Variants in PCDHGA3 observed in about 807,000 individuals in gnomAD.
PCDHGA3 encodes protocadherin gamma-A3.
A neutral mutation model predicts 58.5 loss-of-function variants in PCDHGA3; 40 were observed. The ratio of observed to expected loss-of-function variants is 0.68; its 90% CI spans 0.53 to 0.89. The LOEUF (loss-of-function observed/expected upper bound fraction) is 0.89. PCDHGA3 is among the 40% of genes least tolerant of loss of function. PCDHGA3 has a pLI of 0.00. For synonymous variants in PCDHGA3, 530 were observed against 525.7 expected (o/e 1.01, Z -0.11); for missense variants, 1,223 against 1,195.9 (o/e 1.02, Z -0.33).
rs762996346 is a variant in PCDHGA3, at chr5:141,365,922, G to A, written c.2424+19465G>A. The A allele has an allele frequency of 1.9e-6, 3 of 1,614,196 alleles. No homozygotes were observed. In the Admixed American group the frequency reaches 5.0e-5, roughly 27 times the overall value. The stretch of plus-strand genomic sequence containing the variant: ...GAGCAGTTGAGAGACCTACAGTTGT[G>A]GGTGACAGCCAGCGACAGTGGGAAC... On this transcript the variant is annotated intron_variant, in intron 1 of 3. Coordinates refer to ENST00000253812, the MANE Select transcript of PCDHGA3 (RefSeq NM_018916.4).
intron 2 of PCDHGA3, among the ~76,000 whole-genome samples, chr5:141,498,397 G>A (rs1019408022): frequency 1.3e-5 from 2 of 152,136 alleles, no homozygotes; most frequent in African/African-American, 4.8e-5. Flanking sequence ...GAATGGCAGG[G>A]AGTTTTCTCT....
At chr5:141,448,850 C>A (rs1227646790) in intron 1 of PCDHGA3, among the ~76,000 whole-genome samples, 1 of 152,048 alleles carries the variant, frequency 6.6e-6, no homozygotes, top group Non-Finnish European at 1.5e-5. Context: ...GAGGCTGAGG[C>A]AGGAGAATGG....
Position 141,489,680 on chromosome 5 carries a change from C to T in PCDHGA3, c.2425-5127C>T, listed in dbSNP as rs758765306. On this transcript the variant is annotated intron_variant, in intron 1 of 3. Coordinates refer to ENST00000253812, the MANE Select transcript of PCDHGA3 (RefSeq NM_018916.4). This position sits in a 1 kb window ranked among gnomAD's most constrained non-coding sequence, Gnocchi z 4.5. ...GAGATGCGCATCTCAGAATCAGCAG[C>T]ATCTGGGGCACGATTCCCACTGGAC... 2 of 1,614,070 alleles carry T rather than the reference C, an allele frequency of 1.2e-6. No individual in the cohort carries two copies. The highest frequency in any genetic ancestry group is 2.2e-5 in the East Asian group (1 of 44,886).
intron 1 of PCDHGA3, among the ~76,000 whole-genome samples, chr5:141,353,635 T>C (rs116026217): frequency 0.033 from 5,090 of 152,330 alleles, 104 homozygotes; most frequent in African/African-American, 0.061. Context: ...ATGCTCTTTC[T>C]ATTTTGTCTC....
In PCDHGA3 at chr5:141,485,125, G is replaced by A. The variant is rs776015544; in HGVS notation, c.2425-9682G>A. 7.1e-7 allele frequency: 1 copy of A among 1,412,160 alleles called. No homozygotes were observed. The highest frequency in any genetic ancestry group is 1.2e-5 in the South Asian group (1 of 81,022). The allele number at this position is 1,412,160 out of a possible 1,614,324, so 87.5% of individuals were successfully genotyped here. On this transcript the variant is annotated intron_variant, in intron 1 of 3. Transcript: ENST00000253812. This position sits in a 1 kb window ranked among gnomAD's most constrained non-coding sequence, Gnocchi z 5.7. ...CTGCTGTGGCTGTTTGGGGCGGGTC[G>A]GCTTCATCCGCGTCTCAGGAGCAAG... is the stretch of plus-strand genomic sequence containing the variant.
In PCDHGA3 at chr5:141,360,410, G is replaced by T. The variant is rs773770981; in HGVS notation, c.2424+13953G>T. ...TTACTTGTGAGTGACAGAATAGACC[G>T]AGAACAGATATGCGGGAAGCAGCCT... On this transcript the variant is annotated intron_variant, in intron 1 of 3. Transcript: ENST00000253812. The T allele has an allele frequency of 1.9e-6, 3 of 1,613,964 alleles. No homozygotes were observed. The South Asian group carries it at 3.3e-5, about 18-fold the overall frequency.
chr5:141,399,436 C>T (rs550386808), intron 1 of PCDHGA3: 12 of 1,613,996 alleles, frequency 7.4e-6, no homozygotes, highest in Admixed American at 3.3e-5. Context: ...CGTCATCCTA[C>T]ATATCAGAGA....
In PCDHGA3 at chr5:141,489,456, G is replaced by A. The variant is rs1468723020; in HGVS notation, c.2425-5351G>A. The A allele has an allele frequency of 1.2e-6, 2 of 1,614,050 alleles. No homozygotes were observed. Among genetic ancestry groups the A allele is most frequent in the Non-Finnish European group, 1.7e-6 (2 of 1,180,016 alleles). ...TGCAATTGGGCTCTGAGGAGAATGG[G>A]CGCTATTTTTCCCTGAGCTTGATGA... On this transcript the variant is annotated intron_variant, in intron 1 of 3. Transcript: ENST00000253812. This position sits in a 1 kb window ranked among gnomAD's most constrained non-coding sequence, Gnocchi z 4.5.
chr5:141,390,386 A>C, intron 1 of PCDHGA3: 2 of 1,432,848 alleles, frequency 1.4e-6, no homozygotes, highest in Non-Finnish European at 1.9e-6. Context: ...TTTAGATGTC[A>C]TGGATCATTT....
At chr5:141,498,588 A>G (rs1326073516) in intron 2 of PCDHGA3, among the ~76,000 whole-genome samples, 1 of 152,082 alleles carries the variant, frequency 6.6e-6, no homozygotes, top group Non-Finnish European at 1.5e-5. Context: ...GTTCTTCAGT[A>G]AACTTGGTTC....
Position 141,489,714 on chromosome 5 carries a change from G to C in PCDHGA3, c.2425-5093G>C, listed in dbSNP as rs770143357. On this transcript the variant is annotated intron_variant, in intron 1 of 3. Coordinates refer to ENST00000253812, the MANE Select transcript of PCDHGA3 (RefSeq NM_018916.4). The surrounding 1 kb of genome is among the most constrained non-coding windows in gnomAD (Gnocchi z 4.5). Reference sequence around the variant, plus strand: ...CACGATTCCCACTGGACAGTGCCCAGGATCCGGATGTGGGCACCAATACTG... The same window carrying C: ...CACGATTCCCACTGGACAGTGCCCACGATCCGGATGTGGGCACCAATACTG... 7.4e-6 allele frequency: 12 copies of C among 1,613,958 alleles called. No individual in the cohort carries two copies. The highest frequency in any genetic ancestry group is 1.0e-5 in the Non-Finnish European group (12 of 1,179,930).
chr5:141,348,253 G>A (rs930812434), intron 1 of PCDHGA3, among the ~76,000 whole-genome samples: 1 of 152,100 alleles, frequency 6.6e-6, no homozygotes, highest in African/African-American at 2.4e-5. Flanking sequence ...AGACAACAGG[G>A]CCAGAACACA....
At chr5:141,351,183 C>T (rs764013850) in intron 1 of PCDHGA3, 14 of 1,613,810 alleles carry the variant, frequency 8.7e-6, no homozygotes, top group East Asian at 2.2e-5. Context: ...TTTGAAGAGA[C>T]AAGTAGATAT....
At chr5:141,423,591 A>G in intron 1 of PCDHGA3, 1 of 1,613,312 alleles carries the variant, frequency 6.2e-7, no homozygotes, top group South Asian at 1.1e-5. Context: ...GCTGTGAGAA[A>G]AGCGAGCCAC....
chr5:141,366,545 C>T, intron 1 of PCDHGA3: 1 of 1,614,268 alleles, frequency 6.2e-7, no homozygotes, highest in East Asian at 2.2e-5. Context: ...GCCCGCCTCG[C>T]ACTTTGTGGG....
chr5:141,388,395 C>T (rs1445370262), intron 1 of PCDHGA3: 10 of 1,613,928 alleles, frequency 6.2e-6, no homozygotes, highest in Middle Eastern at 1.6e-4. Flanking sequence ...GCAGAATTAC[C>T]AACTCAGTCC....
At chr5:141,413,637 G>T in intron 1 of PCDHGA3, 8 of 1,613,888 alleles carry the variant, frequency 5.0e-6, no homozygotes, top group Non-Finnish European at 6.8e-6. Context: ...CTGCGGGAAT[G>T]CGTTTTCCTC....
chr5:141,491,109 A>G lies in PCDHGA3; in HGVS notation c.2425-3698A>G, dbSNP rs1039906987. 4.3e-6 allele frequency: 7 copies of G among 1,614,074 alleles called. No individual in the cohort carries two copies. The African/African-American group carries it at 9.3e-5, about 22-fold the overall frequency. ...CCCCAGGACTGTTCCTCGTGTCTAC[A>G]CACACTGGTGAGGTGCGCACAGCCC... On this transcript the variant is annotated intron_variant, in intron 1 of 3. Coordinates refer to ENST00000253812, the MANE Select transcript of PCDHGA3 (RefSeq NM_018916.4). The surrounding 1 kb of genome is among the most constrained non-coding windows in gnomAD (Gnocchi z 6.9).
At position 141,491,518 on chromosome 5, in the gene PCDHGA3, A is replaced by G. The variant is rs756813813; in HGVS notation, c.2425-3289A>G. 3 of 1,613,990 alleles carry G rather than the reference A, an allele frequency of 1.9e-6. No individual in the cohort carries two copies. The highest frequency in any genetic ancestry group is 3.3e-5 in the Admixed American group (2 of 60,028). ...GAGCTCGGACGGCACGCTCAAGTAC[A>G]TGGAGGTGACGCTGCGGCCCACAGA... On this transcript the variant is annotated intron_variant, in intron 1 of 3. Transcript: ENST00000253812. This position sits in a 1 kb window ranked among gnomAD's most constrained non-coding sequence, Gnocchi z 6.9.
Sources: gnomAD v4.1 joint callset for allele counts (sites outside exome capture counted in the v4.1 genomes callset) on GRCh38, gnomAD v4.1.1 for gene constraint, Gnocchi (gnomAD v3.1) non-coding constraint, MANE v1.5 for transcripts, NCBI Gene and HGNC (gene_info 2026-07-23, HGNC 2026-07-21) for gene names.